Variants in UBE2E2 observed in about 807,000 individuals in gnomAD.
UBE2E2 encodes ubiquitin-conjugating enzyme E2 E2.
Under a neutral mutation model 24.7 loss-of-function variants are expected in UBE2E2, and 6 were observed. The ratio of observed to expected loss-of-function variants is 0.24; its 90% CI spans 0.13 to 0.48. The LOEUF (loss-of-function observed/expected upper bound fraction) is 0.48, where lower values mean the gene tolerates loss of function less well. UBE2E2 is among the 20% of genes least tolerant of loss of function. The pLI is 0.99. For missense variants in UBE2E2, 169 were observed against 245.0 expected (o/e 0.69, Z 2.07); for synonymous variants, 104 against 83.6 (o/e 1.24, Z -1.33).
chr3:23,574,839 T>A (rs1696310622), intron 5 of UBE2E2, among the ~76,000 whole-genome samples: 1 of 152,220 alleles, frequency 6.6e-6, no homozygotes, highest in East Asian at 1.9e-4. Context: ...AGTCACCAGA[T>A]GTGCTACACT....
At chr3:23,556,723 G>A (rs1695798070) in intron 5 of UBE2E2, among the ~76,000 whole-genome samples, 1 of 152,078 alleles carries the variant, frequency 6.6e-6, no homozygotes, top group Non-Finnish European at 1.5e-5. Flanking sequence ...TTTACAATGT[G>A]TAAATCAGGA....
intron 4 of UBE2E2, among the ~76,000 whole-genome samples, chr3:23,521,400 A>G (rs1359245805): frequency 6.6e-6 from 1 of 152,186 alleles, no homozygotes; most frequent in East Asian, 1.9e-4. Context: ...TTCCTAATTA[A>G]TTGTTGTTAT....
intron 3 of UBE2E2, among the ~76,000 whole-genome samples, chr3:23,478,525 A>G (rs1366641399): frequency 6.6e-6 from 1 of 152,284 alleles, no homozygotes; most frequent in East Asian, 1.9e-4. Context: ...AATATAAGTC[A>G]GTAGTTTTCA....
intron 5 of UBE2E2, among the ~76,000 whole-genome samples, chr3:23,568,676 T>A (rs1426101245): frequency 7.8e-6 from 1 of 127,440 alleles, no homozygotes; most frequent in Non-Finnish European, 1.6e-5. Context: ...TACGCACATA[T>A]ATGTATACAT....
At chr3:23,309,567 T>C (rs1699321051) in intron 3 of UBE2E2, among the ~76,000 whole-genome samples, 1 of 152,138 alleles carries the variant, frequency 6.6e-6, no homozygotes, top group African/African-American at 2.4e-5. Flanking sequence ...GGCTGTTCTG[T>C]CTTGGGGTAT....
At chr3:23,351,801 C>T (rs1440195250) in intron 3 of UBE2E2, among the ~76,000 whole-genome samples, 1 of 152,104 alleles carries the variant, frequency 6.6e-6, no homozygotes, top group African/African-American at 2.4e-5. Context: ...TTTAACACCC[C>T]GCTGTCAACA....
intron 3 of UBE2E2, among the ~76,000 whole-genome samples, chr3:23,354,067 C>T (rs894216115): frequency 6.6e-6 from 1 of 152,256 alleles, no homozygotes; most frequent in South Asian, 2.1e-4. Flanking sequence ...GAACAGAGCC[C>T]TCAGAAATAA....
intron 3 of UBE2E2, among the ~76,000 whole-genome samples, chr3:23,320,498 T>C (rs1694712030): frequency 6.6e-6 from 1 of 152,244 alleles, no homozygotes; most frequent in African/African-American, 2.4e-5. Flanking sequence ...TATTTTTTAA[T>C]AGCAGTCACC....
chr3:23,489,714 C>A (rs571869224), intron 3 of UBE2E2, among the ~76,000 whole-genome samples: 100 of 152,256 alleles, frequency 6.6e-4, no homozygotes, highest in African/African-American at 2.4e-3. Context: ...TGCTGTGTGG[C>A]CTCCTTCCTA....
rs529563337 is a variant in UBE2E2, at chr3:23,366,650, A to G, written c.228-132958A>G. Among the ~76,000 whole-genome samples the G allele has an allele frequency of 3.8e-3, 585 of 152,106 alleles. 3 individuals are homozygous for G. Among genetic ancestry groups the G allele is most frequent in the African/African-American group, 0.013 (530 of 41,488 alleles). On this transcript the variant is annotated intron_variant, in intron 3 of 5. Coordinates refer to ENST00000396703, the MANE Select transcript of UBE2E2 (RefSeq NM_152653.4). ...GTGGGAGGAGGGAGGGGATTGAAAA[A>G]CTGCCTGTTGGGTACTATGCTTATT...
chr3:23,317,562 A>C (rs1694619222), intron 3 of UBE2E2, among the ~76,000 whole-genome samples: 1 of 152,184 alleles, frequency 6.6e-6, no homozygotes, highest in African/African-American at 2.4e-5. Context: ...ACAGTTCCGC[A>C]TGGCTGGGAA....
rs530578051 is a variant in UBE2E2, at chr3:23,252,173, G to A, written c.227+34861G>A. 4.6e-5 allele frequency among the ~76,000 whole-genome samples: 7 copies of A among 152,250 alleles called. No homozygotes were observed. In the East Asian group the frequency reaches 1.2e-3, roughly 25 times the overall value. On this transcript the variant is annotated intron_variant, in intron 3 of 5. Coordinates refer to ENST00000396703, the MANE Select transcript of UBE2E2 (RefSeq NM_152653.4). The stretch of plus-strand genomic sequence containing the variant: ...TTGGTGGTTTAAATTTACAAGTTGT[G>A]TATACATACATATTTTCCTGTTGAA...
chr3:23,439,929 A>G (rs1478867069), intron 3 of UBE2E2, among the ~76,000 whole-genome samples: 1 of 151,946 alleles, frequency 6.6e-6, no homozygotes, highest in East Asian at 1.9e-4. Flanking sequence ...CAGAGAAGCT[A>G]TACTTATTCA....
rs572470417 is a variant in UBE2E2 at position 23,353,390 on chromosome 3, G to A, written c.227+136078G>A. ...AGTGTTGGAAGTTCTGGCCAGGGCA[G>A]TTAGGCAGGAGAAGGAAATAAAGGG... is the stretch of plus-strand genomic sequence containing the variant. On this transcript the variant is annotated intron_variant, in intron 3 of 5. Transcript: ENST00000396703. Among the ~76,000 whole-genome samples, 936 of 151,280 alleles carry A rather than the reference G, an allele frequency of 6.2e-3. 12 individuals carry two copies. The highest frequency in any genetic ancestry group is 0.02 in the African/African-American group (804 of 40,746).
intron 3 of UBE2E2, among the ~76,000 whole-genome samples, chr3:23,241,279 G>T (rs879896437): frequency 1.3e-5 from 2 of 152,118 alleles, no homozygotes; most frequent in Non-Finnish European, 2.9e-5. Flanking sequence ...GGTCCAAGCC[G>T]TCTTCATATC....
At chr3:23,369,737 C>G (rs772557330) in intron 3 of UBE2E2, among the ~76,000 whole-genome samples, 10 of 152,232 alleles carry the variant, frequency 6.6e-5, no homozygotes, top group Non-Finnish European at 1.3e-4. Flanking sequence ...CTATGAGTCT[C>G]CTACTTCAGC....
intron 4 of UBE2E2, among the ~76,000 whole-genome samples, chr3:23,522,811 C>CA (rs1249435131): frequency 6.6e-6 from 1 of 151,998 alleles, no homozygotes; most frequent in African/African-American, 2.4e-5. Context: ...AGTCTAGTCT[C>CA]AAACTAGTGT....
chr3:23,309,135 A>G (rs1209471321), intron 3 of UBE2E2, among the ~76,000 whole-genome samples: 1 of 152,194 alleles, frequency 6.6e-6, no homozygotes, highest in Non-Finnish European at 1.5e-5. Context: ...CTTTGAGGGC[A>G]GGTCTTCCTC....
upstream of UBE2E2, chr3:23,203,207 A>G (rs1222526546): frequency 1.0e-6 from 1 of 986,354 alleles, no homozygotes; most frequent in East Asian, 1.1e-4. Flanking sequence ...CGCGGGCAGC[A>G]GCCTCAGGAG....
Sources: gnomAD v4.1 joint callset for allele counts (sites outside exome capture counted in the v4.1 genomes callset) on GRCh38, gnomAD v4.1.1 for gene constraint, MANE v1.5 for transcripts, NCBI Gene and HGNC (gene_info 2026-07-23, HGNC 2026-07-21) for gene names.